Variants in LDLRAD3 observed in about 807,000 individuals in gnomAD.
LDLRAD3 encodes the protein low-density lipoprotein receptor class A domain-containing protein 3.
In LDLRAD3, 20 loss-of-function variants were observed where a neutral mutation model predicts 29.4. The ratio of observed to expected loss-of-function variants is 0.68; its 90% CI spans 0.48 to 0.99. The LOEUF is 0.99. Ranked by LOEUF, LDLRAD3 falls within the 50% of genes least tolerant of loss-of-function variation. The pLI is 0.00. For synonymous variants in LDLRAD3, 157 were observed against 192.7 expected, an observed-to-expected ratio of 0.81 and a Z score of 1.53; for missense variants, 420 against 454.3, an observed-to-expected ratio of 0.92 and a Z score of 0.69.
chr11:36,062,729 C>A (rs1431629104), intron 2 of LDLRAD3, among the ~76,000 whole-genome samples: 1 of 152,206 alleles, frequency 6.6e-6, no homozygotes, highest in African/African-American at 2.4e-5. Context: ...TTGCTTGGCA[C>A]TTCTCGCTGC....
chr11:36,169,202 G>T (rs2133346097), intron 4 of LDLRAD3, among the ~76,000 whole-genome samples: 1 of 152,272 alleles, frequency 6.6e-6, no homozygotes, highest in South Asian at 2.1e-4. Context: ...GGGTACATGT[G>T]ATATTTTGAC....
In LDLRAD3 at chr11:36,005,721, G is replaced by T. The variant is rs554724670; in HGVS notation, c.47-30382G>T. Among the ~76,000 whole-genome samples the T allele has an allele frequency of 1.1e-4, 17 of 152,188 alleles. No individual in the cohort carries two copies. In the East Asian group the frequency reaches 2.9e-3, roughly 26 times the overall value. On this transcript the variant is annotated intron_variant, in intron 1 of 5. Transcript: ENST00000315571. ...CCTATAAAGAACTGCCTTAGACTGG[G>T]TAATTTCTGAAGAAAAAAGGGCTAA... is the stretch of plus-strand genomic sequence containing the variant.
intron 4 of LDLRAD3, 128 bp from the exon 5 acceptor site, chr11:36,226,957 A>G (rs1029662304): frequency 2.7e-6 from 2 of 729,316 alleles, no homozygotes; most frequent in South Asian, 2.0e-5. Context: ...GGCGGTTTCC[A>G]CTTTTTGGCT....
At chr11:35,985,375 G>A (rs979548332) in intron 1 of LDLRAD3, among the ~76,000 whole-genome samples, 7 of 152,036 alleles carry the variant, frequency 4.6e-5, no homozygotes, top group South Asian at 2.1e-4. Flanking sequence ...GAGTAGACTC[G>A]GGGAGAGGAT....
intron 1 of LDLRAD3, among the ~76,000 whole-genome samples, chr11:36,025,355 A>C (rs1411757689): frequency 6.6e-6 from 1 of 151,178 alleles, no homozygotes; most frequent in African/African-American, 2.4e-5. Context: ...ACCCAGTTCC[A>C]CTGAATTCTA....
rs191211909 is a variant in LDLRAD3 at position 35,983,199 on chromosome 11, A to T, written c.46+39055A>T. Among the ~76,000 whole-genome samples, 557 of 152,296 alleles carry T rather than the reference A, an allele frequency of 3.7e-3. 6 individuals are homozygous for T. Among genetic ancestry groups the T allele is most frequent in the Middle Eastern group, 0.01 (3 of 294 alleles). ...TCCTGGGAACTTGCTTGATTATTAAATATATTTGAGCCTTATTTCCTTACC... is the reference window on the plus strand; with the variant it reads ...TCCTGGGAACTTGCTTGATTATTAATTATATTTGAGCCTTATTTCCTTACC... On this transcript the variant is annotated intron_variant, in intron 1 of 5. Coordinates refer to ENST00000315571, the MANE Select transcript of LDLRAD3 (RefSeq NM_174902.4).
intron 1 of LDLRAD3, among the ~76,000 whole-genome samples, chr11:35,998,644 A>T (rs1302241164): frequency 6.6e-6 from 1 of 152,224 alleles, no homozygotes; most frequent in Non-Finnish European, 1.5e-5. Context: ...ATGTGAGCCC[A>T]GGGGTCTGTG....
chr11:36,040,164 C>T lies in LDLRAD3; in HGVS notation c.193+3915C>T, dbSNP rs556430358. On this transcript the variant is annotated intron_variant, in intron 2 of 5. Transcript: ENST00000315571. ...GAGCTTTGGCATTGGAAAGATAATA[C>T]GCTTCTTAAAAAAGAATTCTTGCCC... 2.1e-3 allele frequency among the ~76,000 whole-genome samples: 56 copies of T among 26,718 alleles called. 1 individual carries two copies. The highest frequency in any genetic ancestry group is 4.6e-3 in the South Asian group (3 of 646). 17.5% of individuals were successfully genotyped at this position (26,718 alleles called of 152,430 possible).
At chr11:36,039,449 T>G (rs1852352775) in intron 2 of LDLRAD3, among the ~76,000 whole-genome samples, 1 of 151,142 alleles carries the variant, frequency 6.6e-6, no homozygotes, top group Non-Finnish European at 1.5e-5. Flanking sequence ...TTTAACCTCC[T>G]GGTGCCTCAA....
chr11:36,115,698 G>A (rs943350705), intron 4 of LDLRAD3, among the ~76,000 whole-genome samples: 1 of 152,158 alleles, frequency 6.6e-6, no homozygotes, highest in South Asian at 2.1e-4. Flanking sequence ...ATCCAGCGAG[G>A]CTGTATATGG....
Position 36,229,515 on chromosome 11 carries a change from G to C in LDLRAD3, c.*118G>C. The C allele has an allele frequency of 1.4e-6, 1 of 722,894 alleles. No individual in the cohort carries two copies. The highest frequency in any genetic ancestry group is 1.8e-5 in the South Asian group (1 of 56,944). The allele number at this position is 722,894 out of a possible 1,614,324, so 44.8% of individuals were successfully genotyped here. The stretch of plus-strand genomic sequence containing the variant: ...GTAAGGGTGTCTCAAGTTACAGTTT[G>C]GGATATTAACTATCTCTGCATTCCC... On this transcript the variant is annotated 3_prime_UTR_variant, in exon 6 of 6. Transcript: ENST00000315571.
chr11:35,957,484 G>T (rs966812107), intron 1 of LDLRAD3, among the ~76,000 whole-genome samples: 2 of 152,114 alleles, frequency 1.3e-5, no homozygotes, highest in Non-Finnish European at 2.9e-5. Context: ...AATCGTGTAG[G>T]ATGTAAAAAC....
intron 4 of LDLRAD3, among the ~76,000 whole-genome samples, chr11:36,133,389 T>G: frequency 1.1e-5 from 1 of 91,146 alleles, no homozygotes; most frequent in Non-Finnish European, 2.3e-5. Flanking sequence ...TTTTCTTTTC[T>G]TTTCTTTTGG....
intron 4 of LDLRAD3, among the ~76,000 whole-genome samples, chr11:36,131,932 G>T (rs1853932034): frequency 6.6e-6 from 1 of 152,192 alleles, no homozygotes; most frequent in African/African-American, 2.4e-5. Context: ...TCTAGCGTCT[G>T]TGGGACCTTG....
At position 35,944,067 on chromosome 11, in the gene LDLRAD3, C is replaced by T. The variant is rs969409872; in HGVS notation, c.-32C>T. The T allele has an allele frequency of 9.3e-7, 1 of 1,075,712 alleles. No homozygotes were observed. Among genetic ancestry groups the T allele is most frequent in the Non-Finnish European group, 1.1e-6 (1 of 888,594 alleles). 66.6% of individuals were successfully genotyped at this position (1,075,712 alleles called of 1,614,324 possible). ...AGCGCCGAGGCCGCGGGGGCAGCAA[C>T]GACGCCGGGCAGCGGGAGCGGCGGC... On this transcript the variant is annotated 5_prime_UTR_variant, in exon 1 of 6. The change creates a new upstream start codon in the 5' untranslated region. Coordinates refer to ENST00000315571, the MANE Select transcript of LDLRAD3 (RefSeq NM_174902.4). This position sits in a 1 kb window ranked among gnomAD's most constrained non-coding sequence, Gnocchi z 4.9.
chr11:36,022,269 T>G (rs1470552206), intron 1 of LDLRAD3, among the ~76,000 whole-genome samples: 1 of 152,216 alleles, frequency 6.6e-6, no homozygotes, highest in Non-Finnish European at 1.5e-5. Context: ...AAATGACGTG[T>G]TATGTACCTA....
chr11:35,988,245 A>G (rs1029079923), intron 1 of LDLRAD3, among the ~76,000 whole-genome samples: 3 of 152,016 alleles, frequency 2.0e-5, no homozygotes, highest in African/African-American at 7.2e-5. Context: ...TTTTTTGTAG[A>G]GATGGGGTCT....
chr11:36,056,337 C>T (rs371218917), intron 2 of LDLRAD3, among the ~76,000 whole-genome samples: 2 of 152,282 alleles, frequency 1.3e-5, no homozygotes, highest in African/African-American at 4.8e-5. Flanking sequence ...ATAATAGGCA[C>T]TGTGCCCAAT....
intron 1 of LDLRAD3, among the ~76,000 whole-genome samples, chr11:35,985,400 C>T (rs956691791): frequency 6.6e-6 from 1 of 152,012 alleles, no homozygotes; most frequent in African/African-American, 2.4e-5. Context: ...TTGCAGATTC[C>T]GTAAGGTGGT....
Sources: gnomAD v4.1 joint callset for allele counts (sites outside exome capture counted in the v4.1 genomes callset) on GRCh38, gnomAD v4.1.1 for gene constraint, Gnocchi (gnomAD v3.1) non-coding constraint, MANE v1.5 for transcripts, NCBI Gene and HGNC (gene_info 2026-07-23, HGNC 2026-07-21) for gene names.